The following CYTH3 variants were observed in gnomAD, a reference collection of about 807,000 sequenced individuals.
CYTH3 encodes the protein cytohesin-3.
A neutral mutation model predicts 55.1 loss-of-function variants in CYTH3; 23 were observed. The ratio of observed to expected loss-of-function variants is 0.42; its 90% CI spans 0.30 to 0.59. The LOEUF is 0.59. Ranked by LOEUF, CYTH3 falls within the 20% of genes least tolerant of loss-of-function variation. The pLI is 0.20. For missense variants in CYTH3, 413 were observed against 524.8 expected, an observed-to-expected ratio of 0.79 and a Z score of 2.08; for synonymous variants, 249 against 194.9, an observed-to-expected ratio of 1.28 and a Z score of -2.31.
At chr7:6,260,592 C>A (rs1447071732) in intron 1 of CYTH3, among the ~76,000 whole-genome samples, 1 of 152,156 alleles carries the variant, frequency 6.6e-6, no homozygotes, top group Non-Finnish European at 1.5e-5. Context: ...AATTGTTTTT[C>A]TTTAACATCA....
At chr7:6,257,187 G>GA (rs920970508) in intron 1 of CYTH3, among the ~76,000 whole-genome samples, 2 of 152,096 alleles carry the variant, frequency 1.3e-5, no homozygotes, top group Non-Finnish European at 2.9e-5. Context: ...GTCATATACT[G>GA]AATCAAAGTC....
intron 1 of CYTH3, among the ~76,000 whole-genome samples, chr7:6,219,017 A>C (rs931203079): frequency 3.2e-4 from 48 of 150,590 alleles, no homozygotes; most frequent in African/African-American, 1.1e-3. Context: ...AAAAAAAAAA[A>C]AAAAAAAAAA....
At chr7:6,261,378 TAGA>T (rs556777442) in intron 1 of CYTH3, among the ~76,000 whole-genome samples, 11 of 152,004 alleles carry the variant, frequency 7.2e-5, no homozygotes, top group Admixed American at 1.3e-4. Flanking sequence ...GGCTATAACC[TAGA>T]AGAAGGGTAA....
At chr7:6,211,672 T>C (rs1417522817) in intron 1 of CYTH3, among the ~76,000 whole-genome samples, 1 of 152,148 alleles carries the variant, frequency 6.6e-6, no homozygotes, top group African/African-American at 2.4e-5. Context: ...ATTAAATTAT[T>C]ATTGACTATA....
chr7:6,199,493 C>G (rs1784011943), intron 1 of CYTH3, among the ~76,000 whole-genome samples: 2 of 152,026 alleles, frequency 1.3e-5, no homozygotes, highest in South Asian at 4.1e-4. Context: ...AAAAAATAAA[C>G]AATAAAAAAA....
chr7:6,228,288 C>T (rs762075241), intron 1 of CYTH3, among the ~76,000 whole-genome samples: 1 of 152,154 alleles, frequency 6.6e-6, no homozygotes, highest in Non-Finnish European at 1.5e-5. Context: ...TTAGAGGGAC[C>T]TTTTCCATTT....
chr7:6,246,107 G>C (rs1266017003), intron 1 of CYTH3, among the ~76,000 whole-genome samples: 1 of 151,648 alleles, frequency 6.6e-6, no homozygotes, highest in Non-Finnish European at 1.5e-5. Context: ...TTTTGAGACA[G>C]TCTTGCTCTG....
At chr7:6,189,989 T>C (rs1174126091) in intron 2 of CYTH3, among the ~76,000 whole-genome samples, 1 of 152,118 alleles carries the variant, frequency 6.6e-6, no homozygotes, top group Non-Finnish European at 1.5e-5. Context: ...TGAGCCCAGA[T>C]TGTGCCACTG....
intron 1 of CYTH3, among the ~76,000 whole-genome samples, chr7:6,236,949 T>C (rs1779539422): frequency 6.6e-6 from 1 of 152,256 alleles, no homozygotes; most frequent in Non-Finnish European, 1.5e-5. Flanking sequence ...TCCCAATTAA[T>C]GTTCTACAAA....
chr7:6,192,548 T>A (rs1783824466), intron 1 of CYTH3, among the ~76,000 whole-genome samples: 1 of 149,144 alleles, frequency 6.7e-6, no homozygotes, highest in African/African-American at 2.5e-5. Flanking sequence ...TTTTTTTTTT[T>A]TTGAGACAGA....
chr7:6,254,077 G>A (rs925195583), intron 1 of CYTH3, among the ~76,000 whole-genome samples: 22 of 152,106 alleles, frequency 1.4e-4, no homozygotes, highest in Non-Finnish European at 2.5e-4. Context: ...AACTACTCAG[G>A]AGGGTGAGGC....
At position 6,259,760 on chromosome 7, in the gene CYTH3, TA is replaced by T. The variant is rs60059616; in HGVS notation, c.34+12713del. On this transcript the variant is annotated intron_variant, in intron 1 of 12. Coordinates refer to ENST00000350796, the MANE Select transcript of CYTH3 (RefSeq NM_004227.4). ...ATATATATAATATATATATATATTA[TA>T]TATATATATATTATATATATATAAT... Among the ~76,000 whole-genome samples, 219 of 25,890 alleles carry T rather than the reference TA, an allele frequency of 8.5e-3. 19 individuals are homozygous for T. The highest frequency in any genetic ancestry group is 0.057 in the African/African-American group (154 of 2,684). The allele number at this position is 25,890 out of a possible 152,430, so 17.0% of individuals were successfully genotyped here.
rs372018194 is a variant in CYTH3, at chr7:6,251,328, C to T, written c.34+21146G>A. Among the ~76,000 whole-genome samples the T allele has an allele frequency of 5.0e-4, 71 of 141,880 alleles. 1 individual carries two copies. Among genetic ancestry groups the T allele is most frequent in the African/African-American group, 1.7e-3 (66 of 38,982 alleles). 93.1% of individuals were successfully genotyped at this position (141,880 alleles called of 152,430 possible). Reference sequence around the variant, plus strand: ...CTGAAAAGAAAGCTATCAGACTATTCTTTTTTTTTTTTTTCTTTAAAGGAG... The same window carrying T: ...CTGAAAAGAAAGCTATCAGACTATTTTTTTTTTTTTTTTTCTTTAAAGGAG... On this transcript the variant is annotated intron_variant, in intron 1 of 12. Transcript: ENST00000350796.
chr7:6,202,857 A>T (rs929604461), intron 1 of CYTH3, among the ~76,000 whole-genome samples: 1 of 152,240 alleles, frequency 6.6e-6, no homozygotes, highest in Non-Finnish European at 1.5e-5. Flanking sequence ...AAAAAGGAGT[A>T]AAGTTTTAAA....
At chr7:6,243,543 G>A (rs1383476395) in intron 1 of CYTH3, among the ~76,000 whole-genome samples, 2 of 152,184 alleles carry the variant, frequency 1.3e-5, no homozygotes, top group African/African-American at 2.4e-5. Context: ...GCATCTTAAG[G>A]GGATGGGTAT....
At chr7:6,179,886 CCACACACACCCACACACAA>C (rs1378577442) in intron 4 of CYTH3, among the ~76,000 whole-genome samples, 7 of 119,038 alleles carry the variant, frequency 5.9e-5, no homozygotes, top group African/African-American at 2.5e-4. Flanking sequence ...ACCACACACA[CCACACACACCCACACACAA>C]CCACACACAC....
chr7:6,242,918 T>C (rs930022423), intron 1 of CYTH3, among the ~76,000 whole-genome samples: 2 of 152,052 alleles, frequency 1.3e-5, no homozygotes, highest in African/African-American at 4.8e-5. Flanking sequence ...CACAGAGGCC[T>C]GGGAACAAAA....
intron 1 of CYTH3, among the ~76,000 whole-genome samples, chr7:6,196,465 T>C (rs1316359979): frequency 6.7e-6 from 1 of 149,268 alleles, no homozygotes; most frequent in Non-Finnish European, 1.5e-5. Flanking sequence ...TCTTTTTTTT[T>C]TTTTTTTTTT....
intron 1 of CYTH3, among the ~76,000 whole-genome samples, chr7:6,232,745 G>A (rs1471691484): frequency 2.0e-5 from 3 of 152,122 alleles, no homozygotes; most frequent in Admixed American, 6.5e-5. Flanking sequence ...CCTCGTCTAC[G>A]GTCAGTTTTC....
Sources: allele counts gnomAD v4.1 joint callset (sites outside exome capture counted in the v4.1 genomes callset), GRCh38; gene constraint gnomAD v4.1.1; transcripts MANE v1.5; gene names NCBI Gene and HGNC (gene_info 2026-07-23, HGNC 2026-07-21).